GALNT14: variants seen among roughly 807,000 people sequenced by gnomAD.
The protein encoded by GALNT14 is UDP-GalNAc:polypeptide N-acetylgalactosaminyltransferase 14.
A neutral mutation model predicts 77.5 loss-of-function variants in GALNT14; 60 were observed. That is an observed-to-expected ratio of 0.77 (90% CI 0.63 to 0.96). The LOEUF is 0.96. Ranked by LOEUF, GALNT14 falls within the 40% of genes least tolerant of loss-of-function variation. The probability of loss-of-function intolerance (pLI) is 0.00; values close to 1 mark genes in which losing one functional copy is unlikely to be tolerated. For synonymous variants in GALNT14, 280 were observed against 281.7 expected, an observed-to-expected ratio of 0.99 and a Z score of 0.06; for missense variants, 710 against 731.0, an observed-to-expected ratio of 0.97 and a Z score of 0.33.
At chr2:31,003,703 A>G (rs1670499760) in intron 1 of GALNT14, among the ~76,000 whole-genome samples, 1 of 152,254 alleles carries the variant, frequency 6.6e-6, no homozygotes, top group Admixed American at 6.5e-5. Flanking sequence ...TGGAAGAAGA[A>G]AAGTTCCAAT....
chr2:31,005,249 C>T (rs1457602949), intron 1 of GALNT14, among the ~76,000 whole-genome samples: 1 of 152,066 alleles, frequency 6.6e-6, no homozygotes, highest in Non-Finnish European at 1.5e-5. Context: ...AAATGCAGCC[C>T]CAAGAGCTTC....
At chr2:30,972,418 G>A (rs548709684) in intron 2 of GALNT14, among the ~76,000 whole-genome samples, 97 of 152,266 alleles carry the variant, frequency 6.4e-4, no homozygotes, top group African/African-American at 2.2e-3. Flanking sequence ...CAGTGATGAC[G>A]GTATCCACCT....
At chr2:30,991,993 T>C (rs1330868392) in intron 2 of GALNT14, among the ~76,000 whole-genome samples, 1 of 152,198 alleles carries the variant, frequency 6.6e-6, no homozygotes, top group Non-Finnish European at 1.5e-5. Flanking sequence ...GCCAGTCTGC[T>C]ATTTAAGACT....
intron 1 of GALNT14, among the ~76,000 whole-genome samples, chr2:31,085,653 C>T (rs943150611): frequency 1.3e-5 from 2 of 152,248 alleles, no homozygotes; most frequent in Admixed American, 1.3e-4. Flanking sequence ...CTCAGGGGCT[C>T]ATGAGAAGTC....
chr2:31,037,982 A>AT (rs1294559552), intron 1 of GALNT14, among the ~76,000 whole-genome samples: 1 of 148,500 alleles, frequency 6.7e-6, no homozygotes, highest in East Asian at 2.0e-4. Flanking sequence ...ATTCTTAGAA[A>AT]TTTTTCAAAG....
chr2:31,092,087 T>C (rs2148600064), intron 1 of GALNT14, among the ~76,000 whole-genome samples: 1 of 152,238 alleles, frequency 6.6e-6, no homozygotes. Context: ...CTTACACCAG[T>C]GGTTCGCCTG....
the GALNT14 span, among the ~76,000 whole-genome samples, chr2:30,895,154 T>A: frequency 2.6e-5 from 4 of 152,200 alleles, no homozygotes; most frequent in African/African-American, 9.6e-5. Context: ...AGCAGCTGCA[T>A]CTTGAAGACC....
intron 14 of GALNT14, 132 bp downstream of exon 14, chr2:30,912,091 C>T: frequency 2.5e-5 from 29 of 1,173,762 alleles, no homozygotes; most frequent in South Asian, 4.4e-5. Flanking sequence ...ACTTTCCCTC[C>T]CTCTCCTGAC....
In GALNT14 at chr2:30,910,977, T is replaced by C. The variant is rs763603221; in HGVS notation, c.1583A>G (p.Glu528Gly). The change falls in exon 15 of 15, where the codon GAG becomes GGG. Residue 528 changes from glutamate (E) to glycine (G), a missense_variant. Coordinates refer to ENST00000349752, the MANE Select transcript of GALNT14 (RefSeq NM_024572.4). ...GTTGACGACGATTTCCTTGCCGTTC[T>C]CGGTGCCATCACCGAACATATCTGT... ...LDTDMFGDGTENGKEIVVNPC... is the reference protein window; with the variant it reads ...LDTDMFGDGTGNGKEIVVNPC... The C allele has an allele frequency of 3.1e-6, 5 of 1,613,958 alleles. No individual in the cohort carries two copies. The African/African-American group carries it at 6.7e-5, about 22-fold the overall frequency.
At chr2:30,995,212 C>T (rs2148409403) in intron 1 of GALNT14, among the ~76,000 whole-genome samples, 1 of 149,432 alleles carries the variant, frequency 6.7e-6, no homozygotes, top group Non-Finnish European at 1.5e-5. Flanking sequence ...ATATGCATAA[C>T]AACATTTCAG....
chr2:30,938,369 C>T (rs1666182492), intron 9 of GALNT14, among the ~76,000 whole-genome samples: 1 of 146,418 alleles, frequency 6.8e-6, no homozygotes, highest in African/African-American at 2.7e-5. Context: ...TACACACACA[C>T]ACACACACAC....
chr2:30,955,578 T>TGGGGCACGA (rs1201953655), intron 6 of GALNT14, 40 bp downstream of exon 6: 2 of 1,602,896 alleles, frequency 1.2e-6, no homozygotes, highest in East Asian at 4.5e-5. Flanking sequence ...TGGAGAAAGC[T>TGGGGCACGA]GGGGCACGAG....
At chr2:30,913,659 G>A (rs146374590) in intron 13 of GALNT14, among the ~76,000 whole-genome samples, 419 of 152,238 alleles carry the variant, frequency 2.8e-3, no homozygotes, top group Non-Finnish European at 4.8e-3. Flanking sequence ...ATGACGCCTG[G>A]CTCTCTTGAT....
At chr2:31,082,624 C>T (rs1330869675) in intron 1 of GALNT14, among the ~76,000 whole-genome samples, 4 of 152,078 alleles carry the variant, frequency 2.6e-5, no homozygotes, top group Admixed American at 6.5e-5. Flanking sequence ...TTATCTACCT[C>T]GTAAAAAATT....
intron 13 of GALNT14, among the ~76,000 whole-genome samples, chr2:30,919,894 A>C (rs60649417): frequency 0.4 from 60,352 of 151,952 alleles, 12,188 homozygotes; most frequent in African/African-American, 0.46. Flanking sequence ...CCCATAACAT[A>C]AGGGAGGGGA....
intron 9 of GALNT14, among the ~76,000 whole-genome samples, chr2:30,934,809 T>A (rs1402870743): frequency 6.6e-6 from 1 of 152,168 alleles, no homozygotes; most frequent in Non-Finnish European, 1.5e-5. Flanking sequence ...CAGAGTTCAC[T>A]CTATGCTGAG....
chr2:30,973,615 G>C (rs1668482170), intron 2 of GALNT14, among the ~76,000 whole-genome samples: 1 of 152,086 alleles, frequency 6.6e-6, no homozygotes. Context: ...CTTTAGAAGA[G>C]AAAAATGCAA....
chr2:31,040,315 C>T (rs1042413352), intron 1 of GALNT14, among the ~76,000 whole-genome samples: 1 of 152,124 alleles, frequency 6.6e-6, no homozygotes, highest in African/African-American at 2.4e-5. Flanking sequence ...CTGTATATGT[C>T]CTAGCCTCAG....
Position 30,957,757 on chromosome 2 carries a change from T to C in GALNT14, c.466+640A>G, listed in dbSNP as rs74640161. On this transcript the variant is annotated intron_variant, in intron 4 of 14. Transcript: ENST00000349752. Reference sequence around the variant, plus strand: ...GAGCTGTCCACAGTGGTCATTCCATTTCCCTCAGTTCGTCACCAGGAAGAG... The same window carrying C: ...GAGCTGTCCACAGTGGTCATTCCATCTCCCTCAGTTCGTCACCAGGAAGAG... Among the ~76,000 whole-genome samples the C allele has an allele frequency of 7.8e-3, 1,182 of 152,284 alleles. 12 individuals carry two copies. The highest frequency in any genetic ancestry group is 0.012 in the Non-Finnish European group (812 of 68,010).
Sources: gnomAD v4.1 joint callset for allele counts (sites outside exome capture counted in the v4.1 genomes callset) on GRCh38, gnomAD v4.1.1 for gene constraint, MANE v1.5 for transcripts, NCBI Gene and HGNC (gene_info 2026-07-23, HGNC 2026-07-21) for gene names.